The following SNX8 variants were observed in gnomAD, a reference collection of about 807,000 sequenced individuals.
SNX8 encodes the protein sorting nexin 8.
In SNX8, 25 loss-of-function variants were observed where a neutral mutation model predicts 51.6. The ratio of observed to expected loss-of-function variants is 0.48; its 90% CI spans 0.35 to 0.68. SNX8 has a LOEUF of 0.68. Among genes scored for constraint, SNX8 ranks in the 30% least tolerant of loss-of-function variants. The pLI is 0.00. For synonymous variants in SNX8, 324 were observed against 277.0 expected (o/e 1.17, Z -1.68); for missense variants, 695 against 624.0 (o/e 1.11, Z -1.21).
intron 7 of SNX8, among the ~76,000 whole-genome samples, chr7:2,261,769 T>C (rs1267460080): frequency 6.6e-6 from 1 of 152,164 alleles, no homozygotes; most frequent in Admixed American, 6.5e-5. Context: ...AACCCAAGAC[T>C]TTCCACACCA....
At chr7:2,288,736 T>G (rs1796087314) in intron 1 of SNX8, among the ~76,000 whole-genome samples, 1 of 152,118 alleles carries the variant, frequency 6.6e-6, no homozygotes. Flanking sequence ...TTGCCTGTTT[T>G]GGGGTTTTTG....
intron 1 of SNX8, among the ~76,000 whole-genome samples, chr7:2,291,297 TAA>T (rs1019866441): frequency 6.9e-6 from 1 of 144,846 alleles, no homozygotes; most frequent in African/African-American, 2.5e-5. Context: ...ACACCCTGTT[TAA>T]AAAAAAAAAG....
intron 1 of SNX8, among the ~76,000 whole-genome samples, chr7:2,295,798 T>C (rs984147488): frequency 6.6e-6 from 1 of 152,150 alleles, no homozygotes; most frequent in Non-Finnish European, 1.5e-5. Flanking sequence ...TTCTTTTGCA[T>C]GTGGCTATCC....
At chr7:2,291,684 G>T (rs1796154328) in intron 1 of SNX8, among the ~76,000 whole-genome samples, 1 of 151,718 alleles carries the variant, frequency 6.6e-6, no homozygotes, top group African/African-American at 2.4e-5. Flanking sequence ...TCTGAAATCA[G>T]TTCTCTCCAG....
intron 1 of SNX8, among the ~76,000 whole-genome samples, chr7:2,290,326 C>G (rs969463351): frequency 1.3e-5 from 2 of 152,066 alleles, no homozygotes; most frequent in Admixed American, 6.6e-5. Context: ...CACAGTCAGA[C>G]TCGGTCTCTA....
chr7:2,289,423 G>A (rs1796102841), intron 1 of SNX8, among the ~76,000 whole-genome samples: 1 of 152,166 alleles, frequency 6.6e-6, no homozygotes, highest in Non-Finnish European at 1.5e-5. Flanking sequence ...ACTCCCACCA[G>A]CAAGAGCTCC....
intron 7 of SNX8, among the ~76,000 whole-genome samples, chr7:2,262,777 G>T (rs2082711415): frequency 6.6e-6 from 1 of 152,070 alleles, no homozygotes; most frequent in Admixed American, 6.6e-5. Context: ...AACAGATGTG[G>T]ATGGGCAGCT....
chr7:2,273,972 T>C (rs7456643), intron 3 of SNX8, among the ~76,000 whole-genome samples: 22,778 of 151,852 alleles, frequency 0.15, 2,051 homozygotes, highest in Middle Eastern at 0.27. Flanking sequence ...GGCTCCCTCC[T>C]GGCTCAGCAC....
chr7:2,317,822 G>A (rs1406320234), upstream of SNX8, among the ~76,000 whole-genome samples: 1 of 152,078 alleles, frequency 6.6e-6, no homozygotes, highest in Non-Finnish European at 1.5e-5. Flanking sequence ...CATAACCTGG[G>A]AGGCCAAGGT....
intron 1 of SNX8, among the ~76,000 whole-genome samples, chr7:2,323,503 T>C (rs927933926): frequency 1.3e-5 from 2 of 152,080 alleles, no homozygotes; most frequent in African/African-American, 4.8e-5. Flanking sequence ...AAGGGGTTCA[T>C]GTCTGTCACC....
At chr7:2,271,711 G>A in intron 4 of SNX8, 139 bp downstream of exon 4, 5 of 942,398 alleles carry the variant, frequency 5.3e-6, no homozygotes, top group Non-Finnish European at 7.8e-6. Context: ...AAGGAAAGAA[G>A]TCTTGTCCAT....
intron 1 of SNX8, chr7:2,287,903 A>G (rs2115160193): frequency 6.6e-6 from 1 of 151,862 alleles, no homozygotes; most frequent in African/African-American, 2.4e-5. Context: ...AGAAAAAAAA[A>G]AAAAAGAACT....
upstream of SNX8, among the ~76,000 whole-genome samples, chr7:2,316,596 C>G (rs565842350): frequency 1.3e-5 from 2 of 152,116 alleles, no homozygotes; most frequent in East Asian, 3.9e-4. Context: ...CATTCACCCA[C>G]TCACTCACGC....
intron 5 of SNX8, among the ~76,000 whole-genome samples, chr7:2,269,012 ACC>A (rs1795571091): frequency 7.6e-6 from 1 of 132,328 alleles, no homozygotes; most frequent in Non-Finnish European, 1.6e-5. Context: ...CCCGGCCACC[ACC>A]CCGTCTGGGA....
chr7:2,350,074 C>T (rs1370289779), intron 1 of SNX8, among the ~76,000 whole-genome samples: 7 of 152,148 alleles, frequency 4.6e-5, no homozygotes, highest in Non-Finnish European at 7.4e-5. Context: ...GGACACTTCC[C>T]GGCTCTGAAC....
chr7:2,314,753 C>T (rs936165699), upstream of SNX8, among the ~76,000 whole-genome samples: 2 of 152,232 alleles, frequency 1.3e-5, no homozygotes, highest in Non-Finnish European at 1.5e-5. Flanking sequence ...TCACTCCCAT[C>T]TCTCCTCGCC....
chr7:2,340,438 GCTTTT>G (rs958585350), intron 1 of SNX8, among the ~76,000 whole-genome samples: 10 of 150,490 alleles, frequency 6.6e-5, no homozygotes, highest in Admixed American at 3.3e-4. Flanking sequence ...TTCTTTTCTT[GCTTTT>G]TTTTTGGAAT....
At chr7:2,314,777 G>A (rs1211191445), upstream of SNX8, among the ~76,000 whole-genome samples, 1 of 152,208 alleles carries the variant, frequency 6.6e-6, no homozygotes, top group Non-Finnish European at 1.5e-5. Context: ...TCACGCCCTT[G>A]TTCGCTCATT....
At position 2,256,980 on chromosome 7, in the gene SNX8, G is replaced by A. The variant is rs766575430; in HGVS notation, c.1178C>T (p.Ser393Phe). 1.9e-6 allele frequency: 3 copies of A among 1,613,144 alleles called. No individual in the cohort carries two copies. The highest frequency in any genetic ancestry group is 2.2e-5 in the East Asian group (1 of 44,846). The change falls in exon 10 of 11, where the codon TCC becomes TTC. Residue 393 changes from serine to phenylalanine, a missense_variant. Transcript: ENST00000222990. ...CGTCTCCTGGTGCAGGCAGTACAGG[G>A]AGAAGTAGTTCCGCAGCTCCATCGT... Reference protein sequence around the residue: ...IQTMELRNYFSLYCLHQETQL... With the variant: ...IQTMELRNYFFLYCLHQETQL...
Sources: gnomAD v4.1 joint callset for allele counts (sites outside exome capture counted in the v4.1 genomes callset) on GRCh38, gnomAD v4.1.1 for gene constraint, MANE v1.5 for transcripts, NCBI Gene and HGNC (gene_info 2026-07-23, HGNC 2026-07-21) for gene names.